RAPGEF4: variants seen among roughly 807,000 people sequenced by gnomAD.
RAPGEF4 encodes the protein Rap guanine nucleotide exchange factor 4, also known as RAP guanine-nucleotide-exchange factor (GEF) 4.
RAPGEF4 carries 66 observed loss-of-function variants against 147.9 expected under a neutral mutation model. The observed-to-expected ratio is 0.45, with a 90% CI of 0.37 to 0.55. RAPGEF4 has a LOEUF of 0.55. Ranked by LOEUF, RAPGEF4 falls within the 20% of genes least tolerant of loss-of-function variation. The pLI is 0.00. For missense variants in RAPGEF4, 1,071 were observed against 1,257.3 expected, an observed-to-expected ratio of 0.85 and a Z score of 2.24; for synonymous variants, 419 against 442.7, an observed-to-expected ratio of 0.95 and a Z score of 0.67.
chr2:173,011,170 G>GCGCGCACACACA (rs564434178), intron 17 of RAPGEF4, among the ~76,000 whole-genome samples: 1,719 of 133,512 alleles, frequency 0.013, 18 homozygotes, highest in Non-Finnish European at 0.014. Context: ...GCGCGCGCGC[G>GCGCGCACACACA]CACACACACA....
intron 8 of RAPGEF4, 31 bp from the exon 9 acceptor site, chr2:172,965,531 T>G (rs1689738522): frequency 6.2e-7 from 1 of 1,608,126 alleles, no homozygotes; most frequent in East Asian, 2.2e-5. Flanking sequence ...AGGGGTGACT[T>G]CCCCACCCTT....
intron 6 of RAPGEF4, among the ~76,000 whole-genome samples, chr2:172,945,037 A>C (rs1425126858): frequency 6.6e-6 from 1 of 152,132 alleles, no homozygotes. Flanking sequence ...GAAGGGAGGA[A>C]AATATGAGTG....
chr2:172,832,079 A>T (rs976815041), intron 4 of RAPGEF4, among the ~76,000 whole-genome samples: 4 of 152,236 alleles, frequency 2.6e-5, no homozygotes, highest in African/African-American at 9.6e-5. Flanking sequence ...GTGTTTACCC[A>T]CAGAAGGAAA....
chr2:172,737,132 T>C (rs1177210842), intron 1 of RAPGEF4, among the ~76,000 whole-genome samples: 12 of 152,236 alleles, frequency 7.9e-5, no homozygotes, highest in African/African-American at 2.9e-4. Flanking sequence ...TGTAGCTCAT[T>C]TGAAAAGCTT....
chr2:172,973,500 AG>A (rs1156426422), intron 10 of RAPGEF4, among the ~76,000 whole-genome samples: 5 of 152,206 alleles, frequency 3.3e-5, no homozygotes, highest in Non-Finnish European at 7.3e-5. Flanking sequence ...ATAGGGGCAC[AG>A]GTGGGGCAGA....
At chr2:172,793,291 A>G (rs72902300) in intron 1 of RAPGEF4, among the ~76,000 whole-genome samples, 17,254 of 152,172 alleles carry the variant, frequency 0.11, 1,017 homozygotes, top group South Asian at 0.18. Flanking sequence ...ACAAGACCCT[A>G]TTTCCAAAGA....
chr2:172,737,392 A>G (rs965893431), intron 1 of RAPGEF4, among the ~76,000 whole-genome samples: 3 of 152,190 alleles, frequency 2.0e-5, no homozygotes, highest in African/African-American at 4.8e-5. Context: ...AAGGAATTAT[A>G]TGGGATTCAG....
At chr2:173,034,789 G>A (rs1039588314) in intron 27 of RAPGEF4, among the ~76,000 whole-genome samples, 2 of 151,666 alleles carry the variant, frequency 1.3e-5, no homozygotes, top group Non-Finnish European at 2.9e-5. Context: ...TGGGAAGATC[G>A]CTTGAGCCAG....
chr2:172,987,827 T>C (rs1338975362), intron 12 of RAPGEF4, among the ~76,000 whole-genome samples: 1 of 152,228 alleles, frequency 6.6e-6, no homozygotes, highest in Admixed American at 6.5e-5. Flanking sequence ...TATATAGTGC[T>C]GATTTGCATG....
At chr2:172,888,929 C>T (rs1311200523) in intron 4 of RAPGEF4, among the ~76,000 whole-genome samples, 1 of 152,122 alleles carries the variant, frequency 6.6e-6, no homozygotes, top group African/African-American at 2.4e-5. Context: ...CCCAGTTGTC[C>T]ATCTTCCTGG....
At chr2:172,831,865 A>G (rs115119043) in intron 4 of RAPGEF4, among the ~76,000 whole-genome samples, 1,805 of 152,296 alleles carry the variant, frequency 0.012, 34 homozygotes, top group African/African-American at 0.039. Flanking sequence ...CTGAGTTGAT[A>G]TGTGTGCACT....
chr2:172,949,796 G>T (rs1688030246), intron 6 of RAPGEF4, among the ~76,000 whole-genome samples: 2 of 152,114 alleles, frequency 1.3e-5, no homozygotes, highest in Admixed American at 1.3e-4. Context: ...GTTTGCACAG[G>T]TATTTTTATT....
chr2:172,840,709 A>G (rs72900240), intron 4 of RAPGEF4, among the ~76,000 whole-genome samples: 2,450 of 152,328 alleles, frequency 0.016, 23 homozygotes, highest in South Asian at 0.034. Flanking sequence ...CTTTTGTAGG[A>G]AAGAATCCAA....
intron 1 of RAPGEF4, among the ~76,000 whole-genome samples, chr2:172,768,104 G>A (rs552840211): frequency 2.6e-5 from 4 of 152,244 alleles, no homozygotes; most frequent in Admixed American, 6.5e-5. Flanking sequence ...GAGCCACCGC[G>A]CCTGGCCTGA....
In RAPGEF4 at chr2:173,042,575, A is replaced by T. The variant is rs973787470; in HGVS notation, c.2853+5883A>T. On this transcript the variant is annotated intron_variant, in intron 29 of 30. Transcript: ENST00000397081. This position sits in a 1 kb window ranked among gnomAD's most constrained non-coding sequence, Gnocchi z 4.2. ...GTGGCAGAGGTTGCAGTGAGCCGAGATCGTGCCACTGCACTCCAACCTGGG... is the reference window on the plus strand; with the variant it reads ...GTGGCAGAGGTTGCAGTGAGCCGAGTTCGTGCCACTGCACTCCAACCTGGG... Among the ~76,000 whole-genome samples, 5 of 152,264 alleles carry T rather than the reference A, an allele frequency of 3.3e-5. No homozygotes were observed. The highest frequency in any genetic ancestry group is 6.5e-5 in the Admixed American group (1 of 15,300).
At chr2:173,048,447 T>C in intron 29 of RAPGEF4, 153 bp from the exon 30 acceptor site, 1 of 1,433,780 alleles carries the variant, frequency 7.0e-7, no homozygotes. Flanking sequence ...TTAAACAAGT[T>C]ATACATCAGC....
At chr2:173,002,231 G>A (rs183529057) in intron 17 of RAPGEF4, among the ~76,000 whole-genome samples, 8 of 152,100 alleles carry the variant, frequency 5.3e-5, no homozygotes, top group African/African-American at 1.9e-4. Context: ...ATTCATCCTC[G>A]TCTATCCTCT....
At chr2:172,873,489 T>C (rs1299939144) in intron 4 of RAPGEF4, among the ~76,000 whole-genome samples, 1 of 152,182 alleles carries the variant, frequency 6.6e-6, no homozygotes, top group Admixed American at 6.6e-5. Flanking sequence ...CCTTGGTCCT[T>C]CAGCTGCTAC....
chr2:172,937,880 A>G (rs1306719131), intron 6 of RAPGEF4, among the ~76,000 whole-genome samples: 2 of 151,854 alleles, frequency 1.3e-5, no homozygotes, highest in Non-Finnish European at 2.9e-5. Context: ...TATTAATTTT[A>G]TTGCTCAAAT....
Sources: allele counts gnomAD v4.1 joint callset (sites outside exome capture counted in the v4.1 genomes callset), GRCh38; gene constraint gnomAD v4.1.1; non-coding constraint Gnocchi (gnomAD v3.1); transcripts MANE v1.5; gene names NCBI Gene and HGNC (gene_info 2026-07-23, HGNC 2026-07-21).